Variants in DNAJC5B observed in about 807,000 individuals in gnomAD.
The protein encoded by DNAJC5B is dnaJ homolog subfamily C member 5B.
In DNAJC5B, 23 loss-of-function variants were observed where a neutral mutation model predicts 24.7. The observed-to-expected ratio is 0.93, with a 90% CI of 0.67 to 1.32. DNAJC5B has a LOEUF of 1.32. Ranked by LOEUF, DNAJC5B falls within the 40% of genes most tolerant of loss-of-function variation. DNAJC5B has a pLI of 0.00. For synonymous variants in DNAJC5B, 101 were observed against 90.1 expected, an observed-to-expected ratio of 1.12 and a Z score of -0.68; for missense variants, 238 against 240.8, an observed-to-expected ratio of 0.99 and a Z score of 0.08.
chr8:66,044,072 A>G (rs1381725644), intron 2 of DNAJC5B, among the ~76,000 whole-genome samples: 1 of 152,090 alleles, frequency 6.6e-6, no homozygotes, highest in Non-Finnish European at 1.5e-5. Context: ...ATCTACCCGC[A>G]TTGGCCTCCC....
intron 3 of DNAJC5B, among the ~76,000 whole-genome samples, chr8:66,073,135 A>C (rs1807385569): frequency 6.6e-6 from 1 of 152,152 alleles, no homozygotes; most frequent in Non-Finnish European, 1.5e-5. Flanking sequence ...GAAAATTTAA[A>C]AGAATTTATA....
intron 1 of DNAJC5B, among the ~76,000 whole-genome samples, chr8:66,032,696 A>G (rs747336743): frequency 6.6e-6 from 1 of 152,154 alleles, no homozygotes; most frequent in African/African-American, 2.4e-5. Context: ...GCATGAATCA[A>G]TGATTCCGCA....
At chr8:66,090,239 G>T (rs1807817805) in intron 5 of DNAJC5B, among the ~76,000 whole-genome samples, 1 of 148,288 alleles carries the variant, frequency 6.7e-6, no homozygotes, top group South Asian at 2.1e-4. Flanking sequence ...TGTAGTGTGT[G>T]TGCGTGCAGG....
intron 3 of DNAJC5B, among the ~76,000 whole-genome samples, chr8:66,066,113 C>G (rs530381601): frequency 9.7e-4 from 148 of 152,224 alleles, no homozygotes; most frequent in Non-Finnish European, 1.6e-3. Context: ...AAATGGCCAA[C>G]AAACATATTT....
At chr8:66,048,442 G>A (rs1041717668) in intron 2 of DNAJC5B, among the ~76,000 whole-genome samples, 3 of 152,164 alleles carry the variant, frequency 2.0e-5, no homozygotes, top group Non-Finnish European at 4.4e-5. Context: ...CAAAGTTGCA[G>A]ATCTTTGTTC....
chr8:66,071,244 G>A (rs908161506), intron 3 of DNAJC5B, among the ~76,000 whole-genome samples: 3 of 152,080 alleles, frequency 2.0e-5, no homozygotes, highest in Non-Finnish European at 4.4e-5. Flanking sequence ...AAAGAAACTA[G>A]CATCAGAGTG....
At chr8:66,083,812 C>T (rs1252452703) in intron 5 of DNAJC5B, among the ~76,000 whole-genome samples, 2 of 152,212 alleles carry the variant, frequency 1.3e-5, no homozygotes, top group Non-Finnish European at 2.9e-5. Context: ...TCTTTATCCC[C>T]TTAATCAAAT....
intron 3 of DNAJC5B, among the ~76,000 whole-genome samples, chr8:66,065,702 C>T (rs1234618464): frequency 1.3e-5 from 2 of 152,136 alleles, no homozygotes. Flanking sequence ...GAGGCAATAA[C>T]ACATCATAAG....
chr8:66,026,427 C>T lies in DNAJC5B; in HGVS notation c.-142+4722C>T, dbSNP rs192883963. On this transcript the variant is annotated intron_variant, in intron 1 of 5. Transcript: ENST00000276570. The stretch of plus-strand genomic sequence containing the variant: ...TTTGAAATGTTTTCTCTTGAATTAC[C>T]GGAGAAGATGCAGCCTTGACAAGTT... 2.1e-4 allele frequency among the ~76,000 whole-genome samples: 32 copies of T among 152,276 alleles called. 1 individual carries two copies. The highest frequency in any genetic ancestry group is 1.5e-3 in the South Asian group (7 of 4,824).
At chr8:66,085,768 G>A (rs1807710876) in intron 5 of DNAJC5B, among the ~76,000 whole-genome samples, 1 of 151,380 alleles carries the variant, frequency 6.6e-6, no homozygotes, top group South Asian at 2.1e-4. Context: ...AAATTGTTTT[G>A]GCTCTTCTAG....
At chr8:66,051,381 T>C in intron 2 of DNAJC5B, 150 bp from the exon 3 acceptor site, 1 of 581,044 alleles carries the variant, frequency 1.7e-6, no homozygotes, top group South Asian at 2.2e-5. Flanking sequence ...TGCTTTTGGC[T>C]CTCCTAACCC....
upstream of DNAJC5B, among the ~76,000 whole-genome samples, chr8:66,019,973 C>T (rs1004471416): frequency 1.9e-4 from 29 of 152,136 alleles, 1 homozygote; most frequent in Admixed American, 1.6e-3. Context: ...TTTATGAAGA[C>T]ATTTAGGAAG....
chr8:66,088,263 C>G (rs1031065857), intron 5 of DNAJC5B, among the ~76,000 whole-genome samples: 1 of 152,194 alleles, frequency 6.6e-6, no homozygotes, highest in East Asian at 1.9e-4. Context: ...GCTGGAGTGG[C>G]TGGGATGCAG....
Position 66,063,625 on chromosome 8 carries a change from G to A in DNAJC5B, c.119+11959G>A, listed in dbSNP as rs1390265946. 2.6e-5 allele frequency among the ~76,000 whole-genome samples: 4 copies of A among 152,124 alleles called. No individual in the cohort carries two copies. The East Asian group carries it at 5.8e-4, about 22-fold the overall frequency. On this transcript the variant is annotated intron_variant, in intron 3 of 5. Transcript: ENST00000276570. ...CCCTCGTCAAGTCTTTCACTTGATC[G>A]AACCTCTTAGTTCTTCATGCAGTGC... is the stretch of plus-strand genomic sequence containing the variant.
chr8:66,063,766 G>A (rs1026492190), intron 3 of DNAJC5B, among the ~76,000 whole-genome samples: 9 of 152,172 alleles, frequency 5.9e-5, no homozygotes, highest in Admixed American at 2.0e-4. Flanking sequence ...TATGAGAGAT[G>A]AATATACATA....
At chr8:66,049,689 G>A (rs983310274) in intron 2 of DNAJC5B, among the ~76,000 whole-genome samples, 1 of 152,224 alleles carries the variant, frequency 6.6e-6, no homozygotes, top group African/African-American at 2.4e-5. Context: ...ATTGTCGGCT[G>A]TGGGTGTTAT....
upstream of DNAJC5B, among the ~76,000 whole-genome samples, chr8:66,017,821 A>G (rs1805994145): frequency 6.6e-6 from 1 of 152,226 alleles, no homozygotes; most frequent in South Asian, 2.1e-4. Flanking sequence ...ATTCTGTTTA[A>G]CCTTGAAGTA....
the DNAJC5B span, among the ~76,000 whole-genome samples, chr8:66,016,051 A>G: frequency 6.6e-6 from 1 of 152,246 alleles, no homozygotes; most frequent in Non-Finnish European, 1.5e-5. Context: ...GAAGCTGGGA[A>G]GTCTAAGACT....
At chr8:66,072,704 A>G (rs1250754251) in intron 3 of DNAJC5B, among the ~76,000 whole-genome samples, 3 of 152,216 alleles carry the variant, frequency 2.0e-5, no homozygotes. Flanking sequence ...ATTCAGTGCT[A>G]CATATTAAGA....
Sources: gnomAD v4.1 joint callset for allele counts (sites outside exome capture counted in the v4.1 genomes callset) on GRCh38, gnomAD v4.1.1 for gene constraint, MANE v1.5 for transcripts, NCBI Gene and HGNC (gene_info 2026-07-23, HGNC 2026-07-21) for gene names.